The following RBM20 variants were observed in gnomAD, a reference collection of about 807,000 sequenced individuals.
RBM20 encodes the protein RNA-binding protein 20.
RBM20 carries 51 observed loss-of-function variants against 110.1 expected under a neutral mutation model. That is an observed-to-expected ratio of 0.46 (90% CI 0.37 to 0.59). The LOEUF (loss-of-function observed/expected upper bound fraction) is 0.59. Among genes scored for constraint, RBM20 ranks in the 20% least tolerant of loss-of-function variants. The pLI, the probability that RBM20 is intolerant of heterozygous loss-of-function variation, is 0.00. For missense variants in RBM20, 1,512 were observed against 1,574.9 expected (o/e 0.96, Z 0.68); for synonymous variants, 589 against 618.2 (o/e 0.95, Z 0.70).
chr10:110,688,972 A>G (rs1862546132), intron 1 of RBM20, among the ~76,000 whole-genome samples: 1 of 150,386 alleles, frequency 6.6e-6, no homozygotes, highest in Admixed American at 6.7e-5. Context: ...GAATAATAGG[A>G]TCTTATAGAA....
intron 11 of RBM20, chr10:110,822,504 G>A (rs1440324210): frequency 2.2e-6 from 1 of 456,404 alleles, no homozygotes; most frequent in Admixed American, 2.4e-5. Flanking sequence ...CCTATGCCCG[G>A]CACTGTGACA....
chr10:110,716,030 G>C (rs1356888945), intron 1 of RBM20, among the ~76,000 whole-genome samples: 3 of 152,220 alleles, frequency 2.0e-5, no homozygotes, highest in Non-Finnish European at 4.4e-5. Context: ...TTGCAGCAAA[G>C]TTGTCTCAGG....
chr10:110,707,927 G>T (rs1233859022), intron 1 of RBM20, among the ~76,000 whole-genome samples: 1 of 152,164 alleles, frequency 6.6e-6, no homozygotes, highest in Non-Finnish European at 1.5e-5. Context: ...ACAAATAAAT[G>T]ACAAATGCAT....
intron 1 of RBM20, among the ~76,000 whole-genome samples, chr10:110,738,745 G>A (rs1350479454): frequency 3.3e-5 from 5 of 152,230 alleles, no homozygotes; most frequent in East Asian, 1.9e-4. Flanking sequence ...AAGAGCACGC[G>A]GGGCATGTTC....
intron 9 of RBM20, among the ~76,000 whole-genome samples, chr10:110,815,672 C>T (rs1490862466): frequency 6.6e-6 from 1 of 152,240 alleles, no homozygotes; most frequent in African/African-American, 2.4e-5. Context: ...ACTCCTGAGA[C>T]TCTGCCCTGG....
At chr10:110,676,000 G>C (rs1040403234) in intron 1 of RBM20, among the ~76,000 whole-genome samples, 5 of 152,176 alleles carry the variant, frequency 3.3e-5, no homozygotes, top group African/African-American at 1.2e-4. Flanking sequence ...ACATGATTTA[G>C]GTAGAGTTTA....
At chr10:110,717,403 G>A (rs1239191182) in intron 1 of RBM20, among the ~76,000 whole-genome samples, 3 of 152,066 alleles carry the variant, frequency 2.0e-5, no homozygotes, top group Non-Finnish European at 2.9e-5. Flanking sequence ...TTTGTTCCAA[G>A]GGTGATAATC....
chr10:110,787,819 T>C (rs574336264), intron 5 of RBM20, among the ~76,000 whole-genome samples: 1 of 151,694 alleles, frequency 6.6e-6, no homozygotes, highest in South Asian at 2.1e-4. Flanking sequence ...TGCGAGGAGC[T>C]AGGAGGGGAC....
intron 1 of RBM20, among the ~76,000 whole-genome samples, chr10:110,675,800 C>G (rs1438287276): frequency 1.3e-5 from 2 of 152,104 alleles, no homozygotes; most frequent in African/African-American, 4.8e-5. Context: ...TTGATTTGCT[C>G]ATTTATGAAA....
In RBM20 at chr10:110,812,506, G is replaced by T. The variant is rs988797559; in HGVS notation, c.2109G>T (p.Arg703Ser). The T allele has an allele frequency of 1.3e-6, 2 of 1,551,608 alleles. No individual in the cohort carries two copies. The highest frequency in any genetic ancestry group is 4.9e-5 in the East Asian group (2 of 40,930). The change falls in exon 9 of 14, where the codon AGG becomes AGT. Residue 703 changes from arginine to serine, a missense_variant. This residue lies in a region of RBM20 where 1,149 missense variants were observed against 1,169.4 expected (regional missense o/e 0.98). Coordinates refer to ENST00000369519, the MANE Select transcript of RBM20 (RefSeq NM_001134363.3). ...ACAACGGAGATGACAAGAGGGACAG[G>T]ATGGACCCCTGGGCACATGATCGCA... ...WRDNGDDKRD[R>S]MDPWAHDRKH...
intron 1 of RBM20, among the ~76,000 whole-genome samples, chr10:110,766,821 G>A (rs1336105644): frequency 4.7e-5 from 7 of 147,452 alleles, no homozygotes; most frequent in Non-Finnish European, 7.6e-5. Context: ...ATCATGGCCC[G>A]TTCTCAATGA....
chr10:110,836,903 A>G lies in RBM20; in HGVS notation c.*925A>G, dbSNP rs1249402612. 6.6e-6 allele frequency: 1 copy of G among 152,240 alleles called. No individual in the cohort carries two copies. The highest frequency in any genetic ancestry group is 1.5e-5 in the Non-Finnish European group (1 of 68,030). The allele number at this position is 152,240 out of a possible 1,614,324, so 9.4% of individuals were successfully genotyped here. ...TAGGTTGAATGCTGGCCTCTCTGCAAAGCACAGCTTTGGCTCGAGAGGCAC... is the reference window on the plus strand; with the variant it reads ...TAGGTTGAATGCTGGCCTCTCTGCAGAGCACAGCTTTGGCTCGAGAGGCAC... On this transcript the variant is annotated 3_prime_UTR_variant, in exon 14 of 14. Transcript: ENST00000369519.
chr10:110,698,124 A>G (rs1341092499), intron 1 of RBM20, among the ~76,000 whole-genome samples: 3 of 152,094 alleles, frequency 2.0e-5, no homozygotes, highest in East Asian at 3.9e-4. Flanking sequence ...TAGCCAGGAT[A>G]GTCTCGATCT....
intron 1 of RBM20, among the ~76,000 whole-genome samples, chr10:110,719,318 C>G (rs1445956249): frequency 1.3e-5 from 2 of 152,372 alleles, no homozygotes; most frequent in Non-Finnish European, 1.5e-5. Context: ...TGAACACTGG[C>G]AGAGTGGGCA....
chr10:110,727,423 T>TAAAAAATAAA (rs1564827114), intron 1 of RBM20, among the ~76,000 whole-genome samples: 2 of 113,890 alleles, frequency 1.8e-5, no homozygotes, highest in Admixed American at 9.1e-5. Flanking sequence ...AAAAAAAAAA[T>TAAAAAATAAA]AAATAAAAAG....
At chr10:110,663,264 C>T (rs1307692385) in intron 1 of RBM20, among the ~76,000 whole-genome samples, 1 of 152,122 alleles carries the variant, frequency 6.6e-6, no homozygotes, top group Non-Finnish European at 1.5e-5. Flanking sequence ...AGCCATCACC[C>T]TGCTTTCTTA....
chr10:110,800,211 T>C (rs188111687), intron 7 of RBM20, among the ~76,000 whole-genome samples: 1 of 152,314 alleles, frequency 6.6e-6, no homozygotes, highest in East Asian at 1.9e-4. Flanking sequence ...AAGGGAAAGG[T>C]GCTGAGAGTT....
intron 1 of RBM20, among the ~76,000 whole-genome samples, chr10:110,775,854 A>G (rs961170907): frequency 1.3e-5 from 2 of 152,232 alleles, no homozygotes; most frequent in Non-Finnish European, 2.9e-5. Context: ...CCAGCAAAGT[A>G]CAGGGTGGAT....
intron 1 of RBM20, among the ~76,000 whole-genome samples, chr10:110,768,517 TAA>T (rs772112544): frequency 8.7e-4 from 133 of 152,316 alleles, no homozygotes; most frequent in Admixed American, 1.2e-3. Context: ...GTAAAGGAAT[TAA>T]ACTGTGCACA....
Sources: gnomAD v4.1 joint callset for allele counts (sites outside exome capture counted in the v4.1 genomes callset) on GRCh38, gnomAD v4.1.1 for gene constraint, gnomAD v4.1.1 regional missense constraint, MANE v1.5 for transcripts, NCBI Gene and HGNC (gene_info 2026-07-23, HGNC 2026-07-21) for gene names.